The following DEF6 variants were observed in gnomAD, a reference collection of about 807,000 sequenced individuals.
The protein encoded by DEF6 is differentially expressed in FDCP 6 homolog.
Under a neutral mutation model 80.5 loss-of-function variants are expected in DEF6, and 32 were observed. The observed-to-expected ratio is 0.40, with a 90% confidence interval of 0.30 to 0.53. The LOEUF is 0.53. Among genes scored for constraint, DEF6 ranks in the 20% least tolerant of loss-of-function variants. DEF6 has a pLI of 0.57. For synonymous variants in DEF6, 300 were observed against 337.9 expected (o/e 0.89, Z 1.23); for missense variants, 575 against 818.7 (o/e 0.70, Z 3.63).
chr6:35,310,151 T>A (rs1209740295), intron 2 of DEF6, among the ~76,000 whole-genome samples: 1 of 152,162 alleles, frequency 6.6e-6, no homozygotes, highest in Non-Finnish European at 1.5e-5. Flanking sequence ...TCCTCCAATC[T>A]GTCACTGTGT....
rs142511424 is a variant in DEF6 at position 35,312,475 on chromosome 6, G to A, written c.597G>A (p.Arg199=). 6.2e-7 allele frequency: 1 copy of A among 1,614,048 alleles called. No individual in the cohort carries two copies. Among genetic ancestry groups the A allele is most frequent in the African/African-American group, 1.3e-5 (1 of 74,940 alleles). The change falls in exon 4 of 11, where the codon CGG becomes CGA. Residue 199 remains arginine, a synonymous_variant. Coordinates refer to ENST00000316637, the MANE Select transcript of DEF6 (RefSeq NM_022047.4). This position sits in a 1 kb window ranked among gnomAD's most constrained non-coding sequence, Gnocchi z 6.6. The part of the protein sequence containing the change: ...NSGRCLRGVG[R]DTLSMAIHEV... ...GCCGCTGCCTGCGGGGCGTGGGCCG[G>A]GACACCCTCAGCATGGCCATCCACG...
At chr6:35,300,161 A>G (rs966150056) in intron 1 of DEF6, among the ~76,000 whole-genome samples, 2 of 152,202 alleles carry the variant, frequency 1.3e-5, no homozygotes, top group Non-Finnish European at 2.9e-5. Flanking sequence ...AGCTGGGACT[A>G]CAGGCACATG....
Position 35,312,469 on chromosome 6 carries a change from G to A in DEF6, c.591G>A (p.Val197=), listed in dbSNP as rs1791480737. ...LFNSGRCLRG[V]GRDTLSMAIH... is the part of the protein sequence containing the mutation. ...ATTCGGGCCGCTGCCTGCGGGGCGTGGGCCGGGACACCCTCAGCATGGCCA... is the reference window on the plus strand; with the variant it reads ...ATTCGGGCCGCTGCCTGCGGGGCGTAGGCCGGGACACCCTCAGCATGGCCA... The change falls in exon 4 of 11, where the codon GTG becomes GTA. Residue 197 remains valine (V), a synonymous_variant. Coordinates refer to ENST00000316637, the MANE Select transcript of DEF6 (RefSeq NM_022047.4). This position sits in a 1 kb window ranked among gnomAD's most constrained non-coding sequence, Gnocchi z 6.6. 1.9e-6 allele frequency: 3 copies of A among 1,614,046 alleles called. No individual in the cohort carries two copies. The highest frequency in any genetic ancestry group is 1.7e-6 in the Non-Finnish European group (2 of 1,180,038).
chr6:35,309,312 T>G (rs1791432675), intron 1 of DEF6, among the ~76,000 whole-genome samples: 9 of 152,180 alleles, frequency 5.9e-5, no homozygotes, highest in Admixed American at 5.9e-4. Context: ...AGTCTCCCTG[T>G]CTGTAGAAAG....
intron 1 of DEF6, among the ~76,000 whole-genome samples, chr6:35,305,699 T>G (rs1293138868): frequency 1.3e-5 from 2 of 149,698 alleles, no homozygotes; most frequent in African/African-American, 4.9e-5. Context: ...TCAGCCTCCC[T>G]GTAACTGGGA....
At chr6:35,313,443 C>T (rs59756313) in intron 5 of DEF6, 15,883 of 333,688 alleles carry the variant, frequency 0.048, 1,015 homozygotes, top group African/African-American at 0.2. Context: ...TCCTTTACCT[C>T]AAATATTTCT....
intron 1 of DEF6, among the ~76,000 whole-genome samples, chr6:35,306,384 G>A (rs1017293368): frequency 3.3e-5 from 5 of 151,552 alleles, no homozygotes; most frequent in African/African-American, 7.3e-5. Flanking sequence ...GGTGGCGGGC[G>A]CCTGTAATCT....
Position 35,319,468 on chromosome 6 carries a change from G to T in DEF6, c.1216-56G>T. ...CAACATGCCCACCCCCTCCTCCTCC[G>T]CCCCCACGTGCCCCTTTTGACCTGG... On this transcript the variant is annotated intron_variant, in intron 7 of 10. Transcript: ENST00000316637. The surrounding 1 kb of genome is among the most constrained non-coding windows in gnomAD (Gnocchi z 4.5). The T allele has an allele frequency of 1.3e-6, 1 of 745,360 alleles. No individual in the cohort carries two copies. The highest frequency in any genetic ancestry group is 2.4e-5 in the South Asian group (1 of 41,464). 46.2% of individuals were successfully genotyped at this position (745,360 alleles called of 1,614,324 possible).
At chr6:35,300,929 T>G (rs1206602381) in intron 1 of DEF6, among the ~76,000 whole-genome samples, 1 of 152,172 alleles carries the variant, frequency 6.6e-6, no homozygotes, top group Non-Finnish European at 1.5e-5. Flanking sequence ...CCCCACTGAC[T>G]ATCAGGCAGT....
Position 35,318,585 on chromosome 6 carries a change from T to A in DEF6, c.1215+114T>A. 2 of 1,018,812 alleles carry A rather than the reference T, an allele frequency of 2.0e-6. No individual in the cohort carries two copies. The highest frequency in any genetic ancestry group is 2.6e-6 in the Non-Finnish European group (2 of 770,558). The allele number at this position is 1,018,812 out of a possible 1,614,324, so 63.1% of individuals were successfully genotyped here. ...GGCGGAGCTCCTGGGTTGAGGGGCG[T>A]GCACTGGGGTGGAGCTTGAAATGAG... On this transcript the variant is annotated intron_variant, in intron 7 of 10. Coordinates refer to ENST00000316637, the MANE Select transcript of DEF6 (RefSeq NM_022047.4). The surrounding 1 kb of genome is among the most constrained non-coding windows in gnomAD (Gnocchi z 5.1).
chr6:35,314,686 C>G (rs6907573), intron 5 of DEF6, among the ~76,000 whole-genome samples: 127,316 of 152,136 alleles, frequency 0.84, 53,525 homozygotes, highest in Non-Finnish European at 0.87. Context: ...CAGATTGATA[C>G]TTTGCAAATA....
Position 35,312,574 on chromosome 6 carries a change from G to T in DEF6, c.660+36G>T, listed in dbSNP as rs778721451. ...CTGGGAACTAGGGGAAGCACACAAG[G>T]TGCAGGGCGAAGGGGGGCCTGGGAA... On this transcript the variant is annotated intron_variant, in intron 4 of 10. Coordinates refer to ENST00000316637, the MANE Select transcript of DEF6 (RefSeq NM_022047.4). This position sits in a 1 kb window ranked among gnomAD's most constrained non-coding sequence, Gnocchi z 6.6. The T allele has an allele frequency of 6.2e-7, 1 of 1,614,144 alleles. No individual in the cohort carries two copies. The highest frequency in any genetic ancestry group is 8.5e-7 in the Non-Finnish European group (1 of 1,179,988).
At chr6:35,306,683 A>T (rs1428599809) in intron 1 of DEF6, among the ~76,000 whole-genome samples, 2 of 152,166 alleles carry the variant, frequency 1.3e-5, no homozygotes, top group African/African-American at 4.8e-5. Flanking sequence ...ATATAATTCG[A>T]CCTAATCTTT....
intron 1 of DEF6, among the ~76,000 whole-genome samples, chr6:35,300,475 C>G (rs1791299514): frequency 6.6e-6 from 1 of 152,156 alleles, no homozygotes; most frequent in Admixed American, 6.5e-5. Context: ...CTGTCCTGGG[C>G]AAACCCACGA....
intron 1 of DEF6, among the ~76,000 whole-genome samples, chr6:35,308,718 AAAATAAAAT>A (rs869135366): frequency 6.6e-5 from 7 of 105,732 alleles, no homozygotes; most frequent in Non-Finnish European, 1.6e-4. Context: ...AAAATAAAAT[AAAATAAAAT>A]AAATAAAATA....
intron 1 of DEF6, among the ~76,000 whole-genome samples, chr6:35,299,905 AAT>A (rs1273781308): frequency 1.3e-5 from 2 of 152,278 alleles, no homozygotes; most frequent in African/African-American, 4.8e-5. Context: ...GCAAAGGAGT[AAT>A]AGAGAAGTGG....
chr6:35,300,452 G>A (rs950984164), intron 1 of DEF6, among the ~76,000 whole-genome samples: 5 of 152,186 alleles, frequency 3.3e-5, no homozygotes, highest in Non-Finnish European at 5.9e-5. Context: ...GTTGGTAGAC[G>A]GGCTCCCAGT....
At position 35,312,290 on chromosome 6, in the gene DEF6, C is replaced by T; in HGVS notation, c.424-12C>T. ...CTGCTGCAGCTACCAGGCCTTCCTT[C>T]TCCTGCTCCAGGTGGAATACCTGCT... On this transcript the variant is annotated splice_polypyrimidine_tract_variant and intron_variant, in intron 3 of 10. Transcript: ENST00000316637. This position sits in a 1 kb window ranked among gnomAD's most constrained non-coding sequence, Gnocchi z 6.6. 1 of 1,611,218 alleles carries T rather than the reference C, an allele frequency of 6.2e-7. No individual in the cohort carries two copies. The highest frequency in any genetic ancestry group is 8.5e-7 in the Non-Finnish European group (1 of 1,177,920).
rs554525622 is a variant in DEF6 at position 35,319,067 on chromosome 6, C to T, written c.1216-457C>T. Among the ~76,000 whole-genome samples the T allele has an allele frequency of 1.6e-4, 24 of 151,984 alleles. No individual in the cohort carries two copies. Among genetic ancestry groups the T allele is most frequent in the African/African-American group, 5.8e-4 (24 of 41,406 alleles). Reference sequence around the variant, plus strand: ...TAATAGAACTTTGCTCACAGAGGTACGGTGAGGATTAAATGAGGAAACACT... The same window carrying T: ...TAATAGAACTTTGCTCACAGAGGTATGGTGAGGATTAAATGAGGAAACACT... On this transcript the variant is annotated intron_variant, in intron 7 of 10. Coordinates refer to ENST00000316637, the MANE Select transcript of DEF6 (RefSeq NM_022047.4). The surrounding 1 kb of genome is among the most constrained non-coding windows in gnomAD (Gnocchi z 4.5).
Sources: gnomAD v4.1 joint callset for allele counts (sites outside exome capture counted in the v4.1 genomes callset) on GRCh38, gnomAD v4.1.1 for gene constraint, Gnocchi (gnomAD v3.1) non-coding constraint, MANE v1.5 for transcripts, NCBI Gene and HGNC (gene_info 2026-07-23, HGNC 2026-07-21) for gene names.